CFAP20DC: variants seen among roughly 807,000 people sequenced by gnomAD.
The protein encoded by CFAP20DC is protein CFAP20DC.
Under a neutral mutation model 101.7 loss-of-function variants are expected in CFAP20DC, and 84 were observed. The ratio of observed to expected loss-of-function variants is 0.83; its 90% CI spans 0.69 to 0.99. The LOEUF (loss-of-function observed/expected upper bound fraction) is 0.99. Among genes scored for constraint, CFAP20DC ranks in the 50% least tolerant of loss-of-function variants. CFAP20DC has a pLI of 0.00. For missense variants in CFAP20DC, 1,007 were observed against 970.3 expected (o/e 1.04, Z -0.50); for synonymous variants, 359 against 351.2 (o/e 1.02, Z -0.25).
At chr3:58,789,334 G>C (rs1294825784) in intron 15 of CFAP20DC, among the ~76,000 whole-genome samples, 1 of 152,122 alleles carries the variant, frequency 6.6e-6, no homozygotes, top group East Asian at 1.9e-4. Context: ...AGAAAGAGTA[G>C]GTGGGATTTA....
In CFAP20DC at chr3:58,924,287, A is replaced by G. The variant is rs188007670; in HGVS notation, c.394-10423T>C. Among the ~76,000 whole-genome samples, 1,210 of 152,136 alleles carry G rather than the reference A, an allele frequency of 8.0e-3. 9 individuals carry two copies. Among genetic ancestry groups the G allele is most frequent in the Non-Finnish European group, 0.013 (887 of 68,002 alleles). On this transcript the variant is annotated intron_variant, in intron 5 of 16. Transcript: ENST00000482387. ...GTCTATTGTTTCTCTCCATATGTAC[A>G]TGTGTATCCATTGTTTAGCTCCCAT...
intron 4 of CFAP20DC, among the ~76,000 whole-genome samples, chr3:58,947,277 C>G (rs1046777177): frequency 6.6e-6 from 1 of 152,292 alleles, no homozygotes; most frequent in Middle Eastern, 3.4e-3. Context: ...CATGAGCGAA[C>G]TTCCCTGGCA....
In CFAP20DC at chr3:58,912,394, GT is replaced by G. The variant is rs2084242829; in HGVS notation, c.550+1313del. Among the ~76,000 whole-genome samples, 2 of 152,124 alleles carry G rather than the reference GT, an allele frequency of 1.3e-5. No homozygotes were observed. The highest frequency in any genetic ancestry group is 2.9e-5 in the Non-Finnish European group (2 of 68,016). On this transcript the variant is annotated intron_variant, in intron 6 of 16. Coordinates refer to ENST00000482387, the MANE Select transcript of CFAP20DC (RefSeq NM_001394063.1). This position sits in a 1 kb window ranked among gnomAD's most constrained non-coding sequence, Gnocchi z 4.4. ...GGTACATAAGATGAGCAGCCACACT[GT>G]GGTGTGTGATCTCTTTGGAGAGCTG...
intron 4 of CFAP20DC, among the ~76,000 whole-genome samples, chr3:58,967,629 T>C (rs1421452157): frequency 2.0e-5 from 3 of 152,178 alleles, no homozygotes; most frequent in East Asian, 1.9e-4. Flanking sequence ...GTATAGTACA[T>C]AGAATAGATT....
intron 6 of CFAP20DC, among the ~76,000 whole-genome samples, chr3:58,901,532 A>G (rs1388991555): frequency 1.3e-5 from 2 of 152,236 alleles, no homozygotes; most frequent in Non-Finnish European, 2.9e-5. Flanking sequence ...TGATTAATGT[A>G]AATGAGGGGA....
At chr3:58,988,296 T>A (rs1006045296) in intron 4 of CFAP20DC, among the ~76,000 whole-genome samples, 9 of 152,178 alleles carry the variant, frequency 5.9e-5, no homozygotes, top group African/African-American at 2.2e-4. Flanking sequence ...AGCACTTTAA[T>A]CTATGACTAA....
At chr3:59,035,616 GAC>G (rs1447277183) in intron 4 of CFAP20DC, among the ~76,000 whole-genome samples, 1 of 152,098 alleles carries the variant, frequency 6.6e-6, no homozygotes, top group African/African-American at 2.4e-5. Flanking sequence ...TAAATTCCTG[GAC>G]ACATATAACC....
intron 14 of CFAP20DC, among the ~76,000 whole-genome samples, chr3:58,824,192 A>G (rs1295702650): frequency 6.6e-6 from 1 of 152,206 alleles, no homozygotes; most frequent in African/African-American, 2.4e-5. Context: ...GAGGATTAAA[A>G]GAAAACTCAT....
Position 58,849,197 on chromosome 3 carries a change from T to C in CFAP20DC, c.1806A>G (p.Thr602=). 1 of 1,536,116 alleles carries C rather than the reference T, an allele frequency of 6.5e-7. No homozygotes were observed. The highest frequency in any genetic ancestry group is 8.7e-7 in the Non-Finnish European group (1 of 1,146,904). The change falls in exon 13 of 17, where the codon ACA becomes ACG. Residue 602 remains threonine (T), a synonymous_variant. Transcript: ENST00000482387. ...RNNFEMSLLP[T]TCLSPTGRRC... Reference sequence around the variant, plus strand: ...TTCTTCCAGTTGGAGAAAGGCATGTTGTAGGCAACAAACTCATTTCAAAGT... The same window carrying C: ...TTCTTCCAGTTGGAGAAAGGCATGTCGTAGGCAACAAACTCATTTCAAAGT...
At chr3:58,953,021 C>T (rs1264270522) in intron 4 of CFAP20DC, among the ~76,000 whole-genome samples, 4 of 151,820 alleles carry the variant, frequency 2.6e-5, no homozygotes, top group African/African-American at 9.7e-5. Flanking sequence ...ATGTCAATTC[C>T]CAATAAGGAC....
intron 3 of CFAP20DC, among the ~76,000 whole-genome samples, chr3:59,043,122 G>C (rs1407046571): frequency 1.3e-5 from 2 of 152,126 alleles, no homozygotes; most frequent in Non-Finnish European, 2.9e-5. Context: ...AGAAGTCTGA[G>C]CTGGAAATGT....
rs1445048588 is a variant in CFAP20DC at position 58,899,910 on chromosome 3, A to T, written c.550+13798T>A. ...AGTGCTGCAGACCACAGCTGCTTTT[A>T]ATCAGCCATCCTGGCCCTCTCTCCC... is the stretch of plus-strand genomic sequence containing the variant. On this transcript the variant is annotated intron_variant, in intron 6 of 16. Transcript: ENST00000482387. The surrounding 1 kb of genome is among the most constrained non-coding windows in gnomAD (Gnocchi z 5.0). 2.6e-5 allele frequency among the ~76,000 whole-genome samples: 4 copies of T among 152,128 alleles called. No individual in the cohort carries two copies. The highest frequency in any genetic ancestry group is 2.0e-4 in the Admixed American group (3 of 15,274).
At position 58,722,544 on chromosome 3, in the gene CFAP20DC, G is replaced by C. The variant is rs1156748425; in HGVS notation, c.198-4916C>G. ...TCTAATTCTCTCTCGTGATGGAGTA[G>C]AAACCTGAGAGATGCCACCTTCAAC... is the stretch of plus-strand genomic sequence containing the variant. On this transcript the variant is annotated intron_variant, in intron 3 of 3. Transcript: ENST00000486145. The surrounding 1 kb of genome is among the most constrained non-coding windows in gnomAD (Gnocchi z 4.5). Among the ~76,000 whole-genome samples, 2 of 152,160 alleles carry C rather than the reference G, an allele frequency of 1.3e-5. No individual in the cohort carries two copies.
At chr3:59,023,077 T>C (rs1378208286) in intron 4 of CFAP20DC, among the ~76,000 whole-genome samples, 1 of 152,018 alleles carries the variant, frequency 6.6e-6, no homozygotes, top group Non-Finnish European at 1.5e-5. Flanking sequence ...GGCCCAGTTA[T>C]TAGTATTCCA....
At chr3:59,013,900 T>C (rs535215998) in intron 4 of CFAP20DC, among the ~76,000 whole-genome samples, 2 of 152,280 alleles carry the variant, frequency 1.3e-5, no homozygotes, top group Admixed American at 1.3e-4. Flanking sequence ...TTAGTTCTCA[T>C]TTAACTTCAG....
At chr3:59,048,291 A>G (rs1234332387) in intron 1 of CFAP20DC, among the ~76,000 whole-genome samples, 1 of 152,238 alleles carries the variant, frequency 6.6e-6, no homozygotes, top group East Asian at 1.9e-4. Flanking sequence ...TCAGTAATAT[A>G]AAGATATTTT....
At chr3:58,831,278 T>C (rs2076374431) in intron 14 of CFAP20DC, among the ~76,000 whole-genome samples, 1 of 152,236 alleles carries the variant, frequency 6.6e-6, no homozygotes, top group African/African-American at 2.4e-5. Flanking sequence ...TGTCTTCATA[T>C]CCAAGCAATA....
At chr3:58,831,324 C>T (rs1268184111) in intron 14 of CFAP20DC, among the ~76,000 whole-genome samples, 3 of 152,218 alleles carry the variant, frequency 2.0e-5, no homozygotes, top group Non-Finnish European at 4.4e-5. Context: ...TGTGTTCATT[C>T]ATTTCATAAA....
chr3:58,855,194 C>G (rs548586520), intron 12 of CFAP20DC, among the ~76,000 whole-genome samples: 2 of 152,280 alleles, frequency 1.3e-5, no homozygotes, highest in East Asian at 3.9e-4. Context: ...ACAGACACTT[C>G]TCAAAAGAAG....
Sources: gnomAD v4.1 joint callset for allele counts (sites outside exome capture counted in the v4.1 genomes callset) on GRCh38, gnomAD v4.1.1 for gene constraint, Gnocchi (gnomAD v3.1) non-coding constraint, MANE v1.5 for transcripts, NCBI Gene and HGNC (gene_info 2026-07-23, HGNC 2026-07-21) for gene names.